Variants in MLLT3 observed in about 807,000 individuals in gnomAD.
MLLT3 encodes the protein protein AF-9.
In MLLT3, 4 loss-of-function variants were observed where a neutral mutation model predicts 53.2. The ratio of observed to expected loss-of-function variants is 0.08; its 90% CI spans 0.04 to 0.17. The LOEUF is 0.17. Among genes scored for constraint, MLLT3 ranks in the 10% least tolerant of loss-of-function variants. The probability of loss-of-function intolerance (pLI) is 1.00; values close to 1 mark genes in which losing one functional copy is unlikely to be tolerated. For missense variants in MLLT3, 569 were observed against 684.0 expected, an observed-to-expected ratio of 0.83 and a Z score of 1.87; for synonymous variants, 283 against 230.6, an observed-to-expected ratio of 1.23 and a Z score of -2.06.
intron 10 of MLLT3, among the ~76,000 whole-genome samples, chr9:20,347,794 C>T (rs1461087078): frequency 6.6e-6 from 1 of 152,130 alleles, no homozygotes; most frequent in African/African-American, 2.4e-5. Flanking sequence ...ACCTCTGATT[C>T]TCTTTAGGTC....
chr9:20,465,372 A>T (rs575423279), intron 2 of MLLT3, among the ~76,000 whole-genome samples: 1 of 152,260 alleles, frequency 6.6e-6, no homozygotes, highest in East Asian at 1.9e-4. Context: ...GCACTGTATG[A>T]GAGTTACTTT....
chr9:20,513,292 C>A (rs1229990297), intron 2 of MLLT3, among the ~76,000 whole-genome samples: 1 of 152,174 alleles, frequency 6.6e-6, no homozygotes, highest in Non-Finnish European at 1.5e-5. Context: ...TAGCCACTCT[C>A]TGGGAGAGCT....
chr9:20,426,401 T>C (rs536124401), intron 4 of MLLT3, among the ~76,000 whole-genome samples: 1 of 152,266 alleles, frequency 6.6e-6, no homozygotes, highest in East Asian at 1.9e-4. Context: ...AAATAATCGT[T>C]AAATAACAGA....
intron 2 of MLLT3, among the ~76,000 whole-genome samples, chr9:20,588,127 A>G (rs200353574): frequency 2.0e-5 from 3 of 152,176 alleles, no homozygotes; most frequent in African/African-American, 4.8e-5. Flanking sequence ...GTTTTTCTCA[A>G]GTTTGTCAAA....
At chr9:20,618,233 A>G (rs1563846720) in intron 2 of MLLT3, among the ~76,000 whole-genome samples, 1 of 152,230 alleles carries the variant, frequency 6.6e-6, no homozygotes, top group African/African-American at 2.4e-5. Context: ...TCACTTATAG[A>G]TCTACAATAT....
intron 2 of MLLT3, among the ~76,000 whole-genome samples, chr9:20,485,985 G>A (rs1033915287): frequency 6.6e-6 from 1 of 152,098 alleles, no homozygotes; most frequent in African/African-American, 2.4e-5. Flanking sequence ...TGTCTAAATA[G>A]TGATAAAATA....
intron 2 of MLLT3, among the ~76,000 whole-genome samples, chr9:20,504,551 T>A (rs1005329119): frequency 6.6e-6 from 1 of 152,108 alleles, no homozygotes; most frequent in Non-Finnish European, 1.5e-5. Context: ...AAAGCTGAAC[T>A]CATTGAATCA....
intron 4 of MLLT3, 131 bp downstream of exon 4, chr9:20,447,992 A>G (rs1273803761): frequency 1.1e-6 from 1 of 905,870 alleles, no homozygotes; most frequent in East Asian, 2.4e-5. Flanking sequence ...TAAGCCATTA[A>G]GGTACATCAT....
chr9:20,621,054 C>G lies in MLLT3; in HGVS notation c.13-220G>C. ...GCTTGGCCCCAGGCGCCCCGGGCCCCGCATCTACATCGGACAGGATTGTAA... is the reference window on the plus strand; with the variant it reads ...GCTTGGCCCCAGGCGCCCCGGGCCCGGCATCTACATCGGACAGGATTGTAA... On this transcript the variant is annotated intron_variant, in intron 1 of 10. Coordinates refer to ENST00000380338, the MANE Select transcript of MLLT3 (RefSeq NM_004529.4). This position sits in a 1 kb window ranked among gnomAD's most constrained non-coding sequence, Gnocchi z 7.0. 4.4e-6 allele frequency: 3 copies of G among 686,586 alleles called. No homozygotes were observed. The highest frequency in any genetic ancestry group is 7.9e-6 in the Non-Finnish European group (3 of 379,100). The allele number at this position is 686,586 out of a possible 1,614,324, so 42.5% of individuals were successfully genotyped here. A position where few individuals can be genotyped will look rare whatever the true frequency, so the allele number is the denominator to read the frequency against.
At chr9:20,444,820 C>T (rs1462775775) in intron 4 of MLLT3, among the ~76,000 whole-genome samples, 2 of 151,902 alleles carry the variant, frequency 1.3e-5, no homozygotes, top group African/African-American at 4.8e-5. Flanking sequence ...TGCAGTGAGC[C>T]ATGACTGCAC....
intron 2 of MLLT3, among the ~76,000 whole-genome samples, chr9:20,586,390 G>C (rs1312230298): frequency 6.9e-6 from 1 of 144,634 alleles, no homozygotes; most frequent in African/African-American, 2.5e-5. Context: ...AAGTCATTCT[G>C]TGACTGGAAA....
chr9:20,572,217 G>A lies in MLLT3; in HGVS notation c.193+48437C>T, dbSNP rs1819548362. On this transcript the variant is annotated intron_variant, in intron 2 of 10. Coordinates refer to ENST00000380338, the MANE Select transcript of MLLT3 (RefSeq NM_004529.4). ...TTACCAGGGGCAGGGACAGAGGGGTGGAGGAATGGGGAGATGTTGGCCAAA... is the reference window on the plus strand; with the variant it reads ...TTACCAGGGGCAGGGACAGAGGGGTAGAGGAATGGGGAGATGTTGGCCAAA... 2.6e-5 allele frequency among the ~76,000 whole-genome samples: 4 copies of A among 152,152 alleles called. No homozygotes were observed. In the South Asian group the frequency reaches 8.3e-4, roughly 31 times the overall value.
intron 2 of MLLT3, among the ~76,000 whole-genome samples, chr9:20,588,716 T>G (rs1239924713): frequency 6.6e-6 from 1 of 152,224 alleles, no homozygotes; most frequent in Non-Finnish European, 1.5e-5. Flanking sequence ...TTGCTGAAGT[T>G]GCTTATCAGC....
intron 2 of MLLT3, among the ~76,000 whole-genome samples, chr9:20,600,810 C>T (rs1820402318): frequency 6.6e-6 from 1 of 152,164 alleles, no homozygotes; most frequent in Admixed American, 6.5e-5. Context: ...TAGAGCCTTC[C>T]CCTAGAAAGT....
At chr9:20,502,099 G>A (rs75239019) in intron 2 of MLLT3, among the ~76,000 whole-genome samples, 7 of 91,598 alleles carry the variant, frequency 7.6e-5, no homozygotes, top group Non-Finnish European at 1.2e-4. Flanking sequence ...AAAAAGGGGG[G>A]GGGGGGGACT....
chr9:20,381,978 T>C (rs1821919745), intron 5 of MLLT3, among the ~76,000 whole-genome samples: 1 of 151,916 alleles, frequency 6.6e-6, no homozygotes, highest in Non-Finnish European at 1.5e-5. Context: ...TGCTTCTATT[T>C]CTTTAACATG....
chr9:20,383,538 G>T (rs1293716978), intron 5 of MLLT3, among the ~76,000 whole-genome samples: 1 of 151,742 alleles, frequency 6.6e-6, no homozygotes, highest in Non-Finnish European at 1.5e-5. Context: ...AGTAATAGTG[G>T]TACCAATTCA....
chr9:20,384,239 G>GCTA (rs1233456026), intron 5 of MLLT3, among the ~76,000 whole-genome samples: 3 of 151,914 alleles, frequency 2.0e-5, no homozygotes, highest in Admixed American at 6.6e-5. Context: ...TGTAGTTTTT[G>GCTA]CTACTTTATA....
intron 4 of MLLT3, among the ~76,000 whole-genome samples, chr9:20,422,428 C>T (rs1302996803): frequency 2.0e-5 from 3 of 152,180 alleles, no homozygotes; most frequent in Non-Finnish European, 2.9e-5. Flanking sequence ...TAAAGAATTA[C>T]ATCCTTAAAT....
Sources: allele counts gnomAD v4.1 joint callset (sites outside exome capture counted in the v4.1 genomes callset), GRCh38; gene constraint gnomAD v4.1.1; non-coding constraint Gnocchi (gnomAD v3.1); transcripts MANE v1.5; gene names NCBI Gene and HGNC (gene_info 2026-07-23, HGNC 2026-07-21).